The following BATF2 variants were observed in gnomAD, a reference collection of about 807,000 sequenced individuals.
BATF2 encodes the protein basic leucine zipper transcriptional factor ATF-like 2.
In BATF2, 4 loss-of-function variants were observed where a neutral mutation model predicts 7.3. The ratio of observed to expected loss-of-function variants is 0.55; its 90% CI spans 0.27 to 1.26. BATF2 has a LOEUF of 1.26. Ranked by LOEUF, BATF2 falls within the 50% of genes most tolerant of loss-of-function variation. The pLI, the probability that BATF2 is intolerant of heterozygous loss-of-function variation, is 0.11. For synonymous variants in BATF2, 152 were observed against 153.9 expected (o/e 0.99, Z 0.09); for missense variants, 295 against 340.5 (o/e 0.87, Z 1.05).
Position 64,989,918 on chromosome 11 carries a change from C to T in BATF2, c.142-106G>A. On this transcript the variant is annotated intron_variant, in intron 2 of 2. Coordinates refer to ENST00000301887, the MANE Select transcript of BATF2 (RefSeq NM_138456.4). The surrounding 1 kb of genome is among the most constrained non-coding windows in gnomAD (Gnocchi z 4.3). ...CCTCAACTTCAGGAGAAAGATGCCA[C>T]CACCATTGGAATAGCCAAGTGGGGT... 6.9e-7 allele frequency: 1 copy of T among 1,455,888 alleles called. No individual in the cohort carries two copies. Among genetic ancestry groups the T allele is most frequent in the Non-Finnish European group, 9.4e-7 (1 of 1,063,492 alleles). 90.2% of individuals were successfully genotyped at this position (1,455,888 alleles called of 1,614,324 possible). A position where few individuals can be genotyped will look rare whatever the true frequency, so the allele number is the denominator to read the frequency against.
rs1313524892 is a variant in BATF2, at chr11:64,988,987, G to A, written c.*142C>T. ...CCTGTCACAGTGGGAGGCATCAGTGGTGGCTTCCTTTTCGACTGTGAAATC... is the reference window on the plus strand; with the variant it reads ...CCTGTCACAGTGGGAGGCATCAGTGATGGCTTCCTTTTCGACTGTGAAATC... On this transcript the variant is annotated 3_prime_UTR_variant, in exon 3 of 3. Transcript: ENST00000301887. The A allele has an allele frequency of 5.9e-6, 5 of 845,530 alleles. No individual in the cohort carries two copies. The highest frequency in any genetic ancestry group is 1.7e-5 in the African/African-American group (1 of 59,364). 52.4% of individuals were successfully genotyped at this position (845,530 alleles called of 1,614,324 possible).
chr11:64,991,445 G>A (rs1475391334), intron 2 of BATF2, among the ~76,000 whole-genome samples: 1 of 152,196 alleles, frequency 6.6e-6, no homozygotes, highest in Non-Finnish European at 1.5e-5. Context: ...GTGAGCCAAT[G>A]TGCCTGGCCG....
chr11:64,994,379 A>G, intron 2 of BATF2, 69 bp downstream of exon 2: 2 of 1,441,430 alleles, frequency 1.4e-6, no homozygotes, highest in Non-Finnish European at 9.5e-7. Flanking sequence ...CAAAGGTGGG[A>G]TGGAGAAGAG....
At chr11:64,994,402 G>C in intron 2 of BATF2, 46 bp downstream of exon 2, 1 of 1,531,792 alleles carries the variant, frequency 6.5e-7, no homozygotes, top group Non-Finnish European at 8.9e-7. Context: ...GGCTGGGCCA[G>C]TAAGTGGAGC....
At position 64,989,764 on chromosome 11, in the gene BATF2, G is replaced by A; in HGVS notation, c.190C>T (p.Gln64Ter). The A allele has an allele frequency of 6.2e-7, 1 of 1,614,008 alleles. No homozygotes were observed. The highest frequency in any genetic ancestry group is 8.5e-7 in the Non-Finnish European group (1 of 1,180,026). Reference sequence around the variant, plus strand: ...CACGCCAGCTCGGCCTGCAGGGACTGGATCTCCTTCCGCAGGGCGAGGTTG... The same window carrying A: ...CACGCCAGCTCGGCCTGCAGGGACTAGATCTCCTTCCGCAGGGCGAGGTTG... ...KDNLALRKEI[Q>*]SLQAELAWWS... Residue 64 changes from glutamine (Q) to a stop codon, truncating the protein, a stop_gained, in exon 3 of 3, where the codon CAG (glutamine) becomes TAG (stop). Transcript: ENST00000301887. LOFTEE classifies it low-confidence loss of function (END_TRUNC). This position sits in a 1 kb window ranked among gnomAD's most constrained non-coding sequence, Gnocchi z 4.3.
intron 2 of BATF2, among the ~76,000 whole-genome samples, chr11:64,993,530 T>C (rs1316438240): frequency 1.3e-5 from 2 of 152,226 alleles, no homozygotes; most frequent in African/African-American, 4.8e-5. Flanking sequence ...GATCTTGGAC[T>C]TCCCAGCCTC....
intron 2 of BATF2, chr11:64,990,726 T>C (rs749400157): frequency 3.3e-5 from 22 of 673,202 alleles, no homozygotes; most frequent in Non-Finnish European, 3.7e-5. Context: ...CACCCCCTTT[T>C]CTGGACACTT....
At chr11:64,991,226 G>A (rs925199131) in intron 2 of BATF2, among the ~76,000 whole-genome samples, 14 of 145,648 alleles carry the variant, frequency 9.6e-5, no homozygotes, top group African/African-American at 3.6e-4. Context: ...GCATAATCTC[G>A]GCTCACTGCA....
chr11:64,996,927 G>T lies in BATF2; in HGVS notation c.-13C>A. On this transcript the variant is annotated 5_prime_UTR_variant, in exon 1 of 3. Coordinates refer to ENST00000301887, the MANE Select transcript of BATF2 (RefSeq NM_138456.4). ...CACAGAGGTGCATGGCTTAGGCGGG[G>T]GAGCAGAGTGGTCCCTCAGCAGCTG... The T allele has an allele frequency of 6.3e-7, 1 of 1,585,736 alleles. No homozygotes were observed.
rs764690708 is a variant in BATF2, at chr11:64,994,475, G to A, written c.114C>T (p.His38=). The A allele has an allele frequency of 2.5e-6, 4 of 1,597,230 alleles. No individual in the cohort carries two copies. Among genetic ancestry groups the A allele is most frequent in the South Asian group, 1.1e-5 (1 of 88,334 alleles). ...RAAAQRSRQK[H]TDKADALHQQ... ...GGTGCAGGGCGTCTGCCTTGTCTGT[G>A]TGCTTCTGCCGGCTTCGCTGGGCGG... The change falls in exon 2 of 3, where the codon CAC becomes CAT. Residue 38 remains histidine (H), a synonymous_variant. Coordinates refer to ENST00000301887, the MANE Select transcript of BATF2 (RefSeq NM_138456.4).
At chr11:64,991,871 C>G (rs926366827) in intron 2 of BATF2, among the ~76,000 whole-genome samples, 1 of 152,200 alleles carries the variant, frequency 6.6e-6, no homozygotes, top group Non-Finnish European at 1.5e-5. Flanking sequence ...TCCTAGGCAC[C>G]ATTCTGAGTA....
Position 64,989,445 on chromosome 11 carries a change from A to G in BATF2, c.509T>C (p.Leu170Pro), listed in dbSNP as rs1272819004. 6.2e-7 allele frequency: 1 copy of G among 1,610,186 alleles called. No homozygotes were observed. The highest frequency in any genetic ancestry group is 2.2e-5 in the East Asian group (1 of 44,868). Residue 170 changes from leucine (L) to proline (P), a missense_variant, in exon 3 of 3, where the codon CTG becomes CCG. Leu to Pro is a moderately conservative substitution (Grantham distance 98). Transcript: ENST00000301887. The surrounding 1 kb of genome is among the most constrained non-coding windows in gnomAD (Gnocchi z 4.3). ...PAVVAEPPVQ[L>P]SPSPLLFASH... ...GGCAAACAGGAGAGGGCTGGGGGAC[A>G]GCTGGACAGGAGGTTCAGCAACCAC... is the stretch of plus-strand genomic sequence containing the variant.
At chr11:64,994,224 C>T (rs944590771) in intron 2 of BATF2, among the ~76,000 whole-genome samples, 1 of 152,170 alleles carries the variant, frequency 6.6e-6, no homozygotes, top group Non-Finnish European at 1.5e-5. Context: ...TGAGGATGAC[C>T]CTTTGTGTCC....
At chr11:64,990,542 T>A in intron 2 of BATF2, 1 of 1,102,830 alleles carries the variant, frequency 9.1e-7, no homozygotes, top group Non-Finnish European at 1.1e-6. Flanking sequence ...CATCCCTGAA[T>A]CAGCATTTAT....
intron 1 of BATF2, among the ~76,000 whole-genome samples, chr11:64,996,196 G>A (rs1003139308): frequency 2.0e-5 from 3 of 150,516 alleles, no homozygotes; most frequent in Non-Finnish European, 4.4e-5. Flanking sequence ...CCTGACCTCA[G>A]GTGATCTGCC....
chr11:64,989,367 T>G lies in BATF2; in HGVS notation c.587A>C (p.Gln196Pro). 6.4e-7 allele frequency: 1 copy of G among 1,574,188 alleles called. No individual in the cohort carries two copies. The highest frequency in any genetic ancestry group is 8.6e-7 in the Non-Finnish European group (1 of 1,159,140). The change falls in exon 3 of 3, where the codon CAG (glutamine) becomes CCG (proline). Residue 196 changes from glutamine to proline, a missense_variant. Transcript: ENST00000301887. This position sits in a 1 kb window ranked among gnomAD's most constrained non-coding sequence, Gnocchi z 4.3. ...QGSSSKLSAL[Q>P]PSLTAQTAPP... is the part of the protein sequence containing the mutation. ...GGCAGTTTGGGCCGTGAGGCTGGGCTGGAGGGCACTGAGCTTAGAGGAAGA... is the reference window on the plus strand; with the variant it reads ...GGCAGTTTGGGCCGTGAGGCTGGGCGGGAGGGCACTGAGCTTAGAGGAAGA...
chr11:64,996,819 T>G (rs146305652), intron 1 of BATF2, 57 bp downstream of exon 1: 73,075 of 1,607,906 alleles, frequency 0.045, 1,978 homozygotes, highest in Non-Finnish European at 0.052. Flanking sequence ...GCCTGGGCAC[T>G]GAGGACGGGA....
At chr11:64,996,850 C>A in intron 1 of BATF2, 26 bp downstream of exon 1, 1 of 1,612,212 alleles carries the variant, frequency 6.2e-7, no homozygotes, top group East Asian at 2.2e-5. Context: ...CCTTCTCATC[C>A]CCGATCCCCA....
Position 64,988,943 on chromosome 11 carries a change from G to A in BATF2, c.*186C>T. 1 of 614,270 alleles carries A rather than the reference G, an allele frequency of 1.6e-6. No individual in the cohort carries two copies. Among genetic ancestry groups the A allele is most frequent in the South Asian group, 2.0e-5 (1 of 48,916 alleles). The allele number at this position is 614,270 out of a possible 1,614,324, so 38.1% of individuals were successfully genotyped here. ...CAGGTCAACTGTGAGGTTGAAATAAGATATTGGTGGTGACAGGGCCTGTCA... is the reference window on the plus strand; with the variant it reads ...CAGGTCAACTGTGAGGTTGAAATAAAATATTGGTGGTGACAGGGCCTGTCA... On this transcript the variant is annotated 3_prime_UTR_variant, in exon 3 of 3. Transcript: ENST00000301887.
Sources: allele counts gnomAD v4.1 joint callset (sites outside exome capture counted in the v4.1 genomes callset), GRCh38; gene constraint gnomAD v4.1.1; non-coding constraint Gnocchi (gnomAD v3.1); transcripts MANE v1.5; gene names NCBI Gene and HGNC (gene_info 2026-07-23, HGNC 2026-07-21).